The following ENC1 variants were observed in gnomAD, a reference collection of about 807,000 sequenced individuals.
The protein encoded by ENC1 is ectodermal-neural cortex 1.
ENC1 carries 19 observed loss-of-function variants against 40.9 expected under a neutral mutation model. The ratio of observed to expected loss-of-function variants is 0.46; its 90% confidence interval spans 0.32 to 0.68. ENC1 has a LOEUF of 0.68. Ranked by LOEUF, ENC1 falls within the 30% of genes least tolerant of loss-of-function variation. The probability of loss-of-function intolerance (pLI) is 0.03; values close to 1 mark genes in which losing one functional copy is unlikely to be tolerated. For synonymous variants in ENC1, 285 were observed against 291.1 expected, an observed-to-expected ratio of 0.98 and a Z score of 0.21; for missense variants, 479 against 737.5, an observed-to-expected ratio of 0.65 and a Z score of 4.06.
rs758750235 is a variant in ENC1, at chr5:74,629,226, T to G, written c.*799A>C. 1 of 152,148 alleles carries G rather than the reference T, an allele frequency of 6.6e-6. No individual in the cohort carries two copies. The highest frequency in any genetic ancestry group is 2.4e-5 in the African/African-American group (1 of 41,442). 9.4% of individuals were successfully genotyped at this position (152,148 alleles called of 1,614,324 possible). ...TGCTCCAAATTGTAACTCAAAAATT[T>G]TCATGTTTGTGCAGCAAAGCACATC... is the stretch of plus-strand genomic sequence containing the variant. On this transcript the variant is annotated 3_prime_UTR_variant, in exon 3 of 3. Coordinates refer to ENST00000302351, the MANE Select transcript of ENC1 (RefSeq NM_003633.4).
In ENC1 at chr5:74,639,584, A is replaced by C. The variant is rs1279601493; in HGVS notation, c.-14+723T>G. 8.5e-5 allele frequency among the ~76,000 whole-genome samples: 13 copies of C among 152,166 alleles called. 1 individual carries two copies. Among genetic ancestry groups the C allele is most frequent in the Admixed American group, 8.5e-4 (13 of 15,282 alleles). On this transcript the variant is annotated intron_variant, in intron 1 of 2. Transcript: ENST00000302351. ...AGCAGATTTTTTTCTGGGCATTTACATTACCGGTAACAATAGAACATTATA... is the reference window on the plus strand; with the variant it reads ...AGCAGATTTTTTTCTGGGCATTTACCTTACCGGTAACAATAGAACATTATA...
rs577902958 is a variant in ENC1 at position 74,637,253 on chromosome 5, C to T, written c.-13-755G>A. Among the ~76,000 whole-genome samples, 7 of 152,300 alleles carry T rather than the reference C, an allele frequency of 4.6e-5. No homozygotes were observed. In the South Asian group the frequency reaches 6.2e-4, roughly 14 times the overall value. On this transcript the variant is annotated intron_variant, in intron 1 of 2. Coordinates refer to ENST00000302351, the MANE Select transcript of ENC1 (RefSeq NM_003633.4). The stretch of plus-strand genomic sequence containing the variant: ...GCCTTGGCCTTCCGAGTAGCTGGCA[C>T]TAAAGGTGTGCACCACCAAACCCAG...
intron 1 of ENC1, among the ~76,000 whole-genome samples, chr5:74,639,513 T>C (rs1466062797): frequency 6.6e-6 from 1 of 152,220 alleles, no homozygotes; most frequent in Non-Finnish European, 1.5e-5. Flanking sequence ...CCCGCACCCT[T>C]CTCCAGGTTT....
At chr5:74,631,593 G>A (rs1747395860) in intron 2 of ENC1, among the ~76,000 whole-genome samples, 1 of 152,220 alleles carries the variant, frequency 6.6e-6, no homozygotes, top group African/African-American at 2.4e-5. Flanking sequence ...CGCTTACGCT[G>A]CCCTTTAAAA....
chr5:74,635,990 C>T lies in ENC1; in HGVS notation c.496G>A (p.Glu166Lys), dbSNP rs753648378. 9 of 1,614,116 alleles carry T rather than the reference C, an allele frequency of 5.6e-6. No individual in the cohort carries two copies. Among genetic ancestry groups the T allele is most frequent in the African/African-American group, 1.3e-5 (1 of 75,032 alleles). The change falls in exon 2 of 3, where the codon GAA becomes AAA. Residue 166 changes from glutamate to lysine, a missense_variant. Coordinates refer to ENST00000302351, the MANE Select transcript of ENC1 (RefSeq NM_003633.4). This position sits in a 1 kb window ranked among gnomAD's most constrained non-coding sequence, Gnocchi z 5.5. ...SDAHQCTKLY[E>K]LSWRMCLSNF... Reference sequence around the variant, plus strand: ...CTGAGACACATTCTCCAAGATAGTTCGTACAGCTTGGTGCACTGGTGTGCA... The same window carrying T: ...CTGAGACACATTCTCCAAGATAGTTTGTACAGCTTGGTGCACTGGTGTGCA...
chr5:74,631,006 C>T (rs188341628), intron 2 of ENC1, among the ~76,000 whole-genome samples: 3 of 152,180 alleles, frequency 2.0e-5, no homozygotes, highest in Non-Finnish European at 4.4e-5. Context: ...GGTGTCATTG[C>T]CCCACCTCCA....
intron 2 of ENC1, among the ~76,000 whole-genome samples, chr5:74,634,257 CA>C (rs1313660045): frequency 6.6e-6 from 1 of 151,874 alleles, no homozygotes; most frequent in Non-Finnish European, 1.5e-5. Flanking sequence ...ACTAAAAATA[CA>C]AAAAATTAGC....
chr5:74,635,209 A>C lies in ENC1; in HGVS notation c.1277T>G (p.Met426Arg). The change falls in exon 2 of 3, where the codon ATG becomes AGG. Residue 426 changes from methionine (M) to arginine (R), a missense_variant. Met to Arg is a moderately conservative substitution (Grantham distance 91, BLOSUM62 -1). Transcript: ENST00000302351. The surrounding 1 kb of genome is among the most constrained non-coding windows in gnomAD (Gnocchi z 5.5). ...AACGCCTTCTCGGAGTGGGGCCACC[A>C]TGGTCCATTTGTTGATTGTGGGGTC... ...HYDPTINKWT[M>R]VAPLREGVSN... is the part of the protein sequence containing the mutation. The C allele has an allele frequency of 6.2e-7, 1 of 1,614,138 alleles. No individual in the cohort carries two copies. The highest frequency in any genetic ancestry group is 8.5e-7 in the Non-Finnish European group (1 of 1,180,018).
chr5:74,631,014 C>CCA (rs1747372942), intron 2 of ENC1, among the ~76,000 whole-genome samples: 1 of 152,054 alleles, frequency 6.6e-6, no homozygotes. Context: ...TGCCCCACCT[C>CCA]CACCTCCTTG....
chr5:74,636,321 C>T lies in ENC1; in HGVS notation c.165G>A (p.Arg55=). ...FTDVLLHAGN[R]TFPCHRAVLA... The stretch of plus-strand genomic sequence containing the variant: ...GCACTGCCCGGTGGCAAGGGAAGGT[C>T]CTATTTCCGGCATGGAGAAGGACGT... Residue 55 remains arginine, a synonymous_variant, in exon 2 of 3, where the codon AGG becomes AGA. Coordinates refer to ENST00000302351, the MANE Select transcript of ENC1 (RefSeq NM_003633.4). The surrounding 1 kb of genome is among the most constrained non-coding windows in gnomAD (Gnocchi z 4.8). The T allele has an allele frequency of 6.2e-7, 1 of 1,614,128 alleles. No homozygotes were observed. Among genetic ancestry groups the T allele is most frequent in the South Asian group, 1.1e-5 (1 of 91,070 alleles).
chr5:74,638,727 T>A (rs953516541), intron 1 of ENC1, among the ~76,000 whole-genome samples: 8 of 152,216 alleles, frequency 5.3e-5, no homozygotes, highest in African/African-American at 1.9e-4. Context: ...ATCTGGAGTA[T>A]CTGGAGGAAG....
rs768040003 is a variant in ENC1 at position 74,635,731 on chromosome 5, A to G, written c.755T>C (p.Met252Thr). 6.2e-7 allele frequency: 1 copy of G among 1,614,132 alleles called. No homozygotes were observed. Among genetic ancestry groups the G allele is most frequent in the Admixed American group, 1.7e-5 (1 of 60,026 alleles). ...PAIYLMENVA[M>T]EELITKQRKS... The stretch of plus-strand genomic sequence containing the variant: ...TCTCTGCTTGGTGATGAGTTCCTCC[A>G]TGGCCACATTCTCCATGAGATAGAT... The change falls in exon 2 of 3, where the codon ATG (methionine) becomes ACG (threonine). Residue 252 changes from methionine to threonine, a missense_variant. Transcript: ENST00000302351. The surrounding 1 kb of genome is among the most constrained non-coding windows in gnomAD (Gnocchi z 5.5).
chr5:74,638,426 C>T (rs1747689808), intron 1 of ENC1, among the ~76,000 whole-genome samples: 1 of 152,110 alleles, frequency 6.6e-6, no homozygotes, highest in South Asian at 2.1e-4. Flanking sequence ...GTAAACATGG[C>T]TGAGTGGAAG....
At chr5:74,634,187 G>A (rs538179656) in intron 2 of ENC1, among the ~76,000 whole-genome samples, 1 of 152,146 alleles carries the variant, frequency 6.6e-6, no homozygotes, top group African/African-American at 2.4e-5. Context: ...GCCGAGGCGG[G>A]CGGATCATGA....
At chr5:74,634,587 G>T (rs920767340) in intron 2 of ENC1, 97 bp downstream of exon 2, 5 of 651,376 alleles carry the variant, frequency 7.7e-6, no homozygotes, top group Non-Finnish European at 1.4e-5. Context: ...TAGTACTTCT[G>T]CAGTACAGTC....
chr5:74,635,045 G>A lies in ENC1; in HGVS notation c.1441C>T (p.Pro481Ser). The change falls in exon 2 of 3, where the codon CCC becomes TCC. Residue 481 changes from proline (P) to serine (S), a missense_variant. Coordinates refer to ENST00000302351, the MANE Select transcript of ENC1 (RefSeq NM_003633.4). The surrounding 1 kb of genome is among the most constrained non-coding windows in gnomAD (Gnocchi z 5.5). ...ACAGCTGCTGCTGTGTAACGCCAGGGCTGGGGACAGGTGGCCGGTACAGTC... is the reference window on the plus strand; with the variant it reads ...ACAGCTGCTGCTGTGTAACGCCAGGACTGGGGACAGGTGGCCGGTACAGTC... ...RWTVPATCPQ[P>S]WRYTAAAVLG... 6.2e-7 allele frequency: 1 copy of A among 1,614,202 alleles called. No homozygotes were observed. The highest frequency in any genetic ancestry group is 8.5e-7 in the Non-Finnish European group (1 of 1,180,026).
At chr5:74,630,376 T>C (rs531146753) in intron 2 of ENC1, among the ~76,000 whole-genome samples, 1 of 152,190 alleles carries the variant, frequency 6.6e-6, no homozygotes, top group Non-Finnish European at 1.5e-5. Flanking sequence ...CTTTCTGTGG[T>C]TAAACAGAGC....
rs1747580383 is a variant in ENC1 at position 74,636,084 on chromosome 5, A to G, written c.402T>C (p.Asp134=). 1.9e-6 allele frequency: 3 copies of G among 1,614,200 alleles called. No homozygotes were observed. Among genetic ancestry groups the G allele is most frequent in the Non-Finnish European group, 2.5e-6 (3 of 1,180,044 alleles). ...GDMLEFQDIR[D]ACAEFLEKNL... is the part of the protein sequence containing the mutation. ...TCTTTTCCAGGAACTCTGCACATGC[A>G]TCCCGGATGTCTTGAAACTCCAGCA... is the stretch of plus-strand genomic sequence containing the variant. Residue 134 remains aspartate (D), a synonymous_variant, in exon 2 of 3, where the codon GAT becomes GAC. Transcript: ENST00000302351. This position sits in a 1 kb window ranked among gnomAD's most constrained non-coding sequence, Gnocchi z 4.8.
chr5:74,634,665 C>T lies in ENC1; in HGVS notation c.*32+19G>A, dbSNP rs1265911198. The T allele has an allele frequency of 2.4e-6, 3 of 1,227,794 alleles. No homozygotes were observed. Among genetic ancestry groups the T allele is most frequent in the Non-Finnish European group, 2.3e-6 (2 of 851,340 alleles). 76.1% of individuals were successfully genotyped at this position (1,227,794 alleles called of 1,614,324 possible). On this transcript the variant is annotated intron_variant, in intron 2 of 2. Coordinates refer to ENST00000302351, the MANE Select transcript of ENC1 (RefSeq NM_003633.4). ...AGCCTAATTATATGCATACTTACAT[C>T]TATAGCTAAACTTCTTACCTCATGC...
Sources: allele counts gnomAD v4.1 joint callset (sites outside exome capture counted in the v4.1 genomes callset), GRCh38; gene constraint gnomAD v4.1.1; non-coding constraint Gnocchi (gnomAD v3.1); transcripts MANE v1.5; gene names NCBI Gene and HGNC (gene_info 2026-07-23, HGNC 2026-07-21).